Variants in PIWIL2 observed in about 807,000 individuals in gnomAD.
PIWIL2 encodes piwi-like protein 2.
A neutral mutation model predicts 116.5 loss-of-function variants in PIWIL2; 81 were observed. The ratio of observed to expected loss-of-function variants is 0.70; its 90% CI spans 0.58 to 0.84. The LOEUF is 0.84. PIWIL2 is among the 40% of genes least tolerant of loss of function. PIWIL2 has a pLI of 0.00. For synonymous variants in PIWIL2, 489 were observed against 429.5 expected, an observed-to-expected ratio of 1.14 and a Z score of -1.71; for missense variants, 1,272 against 1,212.3, an observed-to-expected ratio of 1.05 and a Z score of -0.73.
At chr8:22,316,621 A>G (rs1831466049) in intron 19 of PIWIL2, among the ~76,000 whole-genome samples, 1 of 151,914 alleles carries the variant, frequency 6.6e-6, no homozygotes, top group Non-Finnish European at 1.5e-5. Flanking sequence ...AGCTGGGATT[A>G]CAGGTGCGCA....
At position 22,304,151 on chromosome 8, in the gene PIWIL2, C is replaced by T. The variant is rs776796331; in HGVS notation, c.1312C>T (p.Pro438Ser). 1 of 1,613,492 alleles carries T rather than the reference C, an allele frequency of 6.2e-7. No homozygotes were observed. Among genetic ancestry groups the T allele is most frequent in the Non-Finnish European group, 8.5e-7 (1 of 1,179,550 alleles). ...TGATGATGTGGATTGGAATAAGACT[C>T]CAAAGGATAGCTTCACGATGTCTGA... ...RIDDVDWNKT[P>S]KDSFTMSDGK... Residue 438 changes from proline to serine, a missense_variant, in exon 11 of 23, where the codon CCA (proline) becomes TCA (serine). Pro to Ser is a moderately conservative substitution (Grantham distance 74). Transcript: ENST00000356766.
At position 22,281,532 on chromosome 8, in the gene PIWIL2, T is replaced by C. The variant is rs200877288; in HGVS notation, c.425+17T>C. 1.8e-5 allele frequency: 28 copies of C among 1,543,276 alleles called. No homozygotes were observed. The African/African-American group carries it at 3.7e-4, about 20-fold the overall frequency. On this transcript the variant is annotated intron_variant, in intron 4 of 22. Coordinates refer to ENST00000356766, the MANE Select transcript of PIWIL2 (RefSeq NM_018068.5). ...TTGGAGTAGGTGGGTAAAGTTACCC[T>C]CTCAGGTAACTATCAAATTCAGATG... is the stretch of plus-strand genomic sequence containing the variant.
At chr8:22,322,261 C>CTT (rs371516173) in intron 20 of PIWIL2, among the ~76,000 whole-genome samples, 1 of 150,514 alleles carries the variant, frequency 6.6e-6, no homozygotes, top group Non-Finnish European at 1.5e-5. Context: ...TCCCCCCCAC[C>CTT]TTTTTTTTTG....
intron 20 of PIWIL2, among the ~76,000 whole-genome samples, chr8:22,352,305 A>G (rs961711190): frequency 3.3e-5 from 5 of 152,256 alleles, no homozygotes; most frequent in African/African-American, 1.2e-4. Context: ...AAATGGGGGA[A>G]AAATTATTCT....
At chr8:22,277,522 T>A (rs947109356) in intron 1 of PIWIL2, among the ~76,000 whole-genome samples, 43 of 152,160 alleles carry the variant, frequency 2.8e-4, no homozygotes, top group African/African-American at 8.9e-4. Flanking sequence ...AGAGAGTTTT[T>A]AAAATTTTTT....
chr8:22,302,052 C>T (rs570662023), intron 10 of PIWIL2, among the ~76,000 whole-genome samples: 11 of 152,194 alleles, frequency 7.2e-5, no homozygotes, highest in African/African-American at 2.4e-4. Flanking sequence ...AAGATATTTT[C>T]TCATTTCTCT....
intron 20 of PIWIL2, among the ~76,000 whole-genome samples, chr8:22,349,162 G>A (rs551357167): frequency 1.3e-5 from 2 of 149,422 alleles, no homozygotes; most frequent in East Asian, 4.0e-4. Flanking sequence ...CACGCCACCA[G>A]GCCTGGCTTA....
At chr8:22,290,929 T>G (rs1177256808) in intron 10 of PIWIL2, among the ~76,000 whole-genome samples, 2 of 151,776 alleles carry the variant, frequency 1.3e-5, no homozygotes, top group Non-Finnish European at 2.9e-5. Context: ...CATATAATAA[T>G]ATACAATGTA....
At chr8:22,323,443 G>T (rs1586579452) in intron 20 of PIWIL2, among the ~76,000 whole-genome samples, 1 of 152,244 alleles carries the variant, frequency 6.6e-6, no homozygotes, top group African/African-American at 2.4e-5. Context: ...ACCGCGCCCA[G>T]CCAGTCTTGA....
chr8:22,288,697 G>C, intron 8 of PIWIL2, 31 bp downstream of exon 8: 2 of 1,580,192 alleles, frequency 1.3e-6, no homozygotes, highest in Non-Finnish European at 1.7e-6. Flanking sequence ...CTATTGTCCT[G>C]TAACTTCAGT....
At chr8:22,334,110 A>T (rs1234437489) in intron 20 of PIWIL2, among the ~76,000 whole-genome samples, 1 of 151,560 alleles carries the variant, frequency 6.6e-6, no homozygotes, top group Non-Finnish European at 1.5e-5. Context: ...AGTAGCTTGG[A>T]TTACAGGCAC....
At chr8:22,347,675 T>G (rs1832260839) in intron 20 of PIWIL2, among the ~76,000 whole-genome samples, 1 of 151,838 alleles carries the variant, frequency 6.6e-6, no homozygotes, top group Admixed American at 6.6e-5. Flanking sequence ...TACAGGCGCC[T>G]GCCAGCATGC....
chr8:22,298,587 G>A (rs1830969641), intron 10 of PIWIL2, among the ~76,000 whole-genome samples: 1 of 152,144 alleles, frequency 6.6e-6, no homozygotes, highest in Non-Finnish European at 1.5e-5. Flanking sequence ...CCCAGTGAGT[G>A]GATTGTTGGT....
intron 10 of PIWIL2, among the ~76,000 whole-genome samples, chr8:22,302,788 G>C (rs1457307864): frequency 6.6e-6 from 1 of 152,160 alleles, no homozygotes; most frequent in Non-Finnish European, 1.5e-5. Context: ...TTAACTCTCA[G>C]CTGAGATTTC....
At chr8:22,320,259 CTTTTTTT>C (rs71544874) in intron 20 of PIWIL2, among the ~76,000 whole-genome samples, 2 of 89,612 alleles carry the variant, frequency 2.2e-5, no homozygotes, top group African/African-American at 7.5e-5. Flanking sequence ...CTGCGCCCGG[CTTTTTTT>C]TTTTTTTTTT....
chr8:22,279,922 A>G (rs1025584126), intron 2 of PIWIL2, among the ~76,000 whole-genome samples: 2 of 152,160 alleles, frequency 1.3e-5, no homozygotes, highest in African/African-American at 4.8e-5. Context: ...TCGCCAGTGC[A>G]CTCCAGCCTG....
At chr8:22,339,860 G>T (rs1451165148) in intron 20 of PIWIL2, among the ~76,000 whole-genome samples, 1 of 151,998 alleles carries the variant, frequency 6.6e-6, no homozygotes, top group Non-Finnish European at 1.5e-5. Context: ...GTAAACACAT[G>T]AAAAGAAGCT....
intron 10 of PIWIL2, 54 bp downstream of exon 10, chr8:22,290,400 C>A (rs763305844): frequency 1.0e-6 from 1 of 981,928 alleles, no homozygotes; most frequent in Non-Finnish European, 1.6e-6. Context: ...CTGAAAAGTT[C>A]AGTAACAGCT....
chr8:22,288,072 G>T (rs146813287), intron 7 of PIWIL2, among the ~76,000 whole-genome samples: 1 of 152,150 alleles, frequency 6.6e-6, no homozygotes, highest in East Asian at 1.9e-4. Context: ...GCTAAGTCAG[G>T]TGGATCACGA....
Sources: gnomAD v4.1 joint callset for allele counts (sites outside exome capture counted in the v4.1 genomes callset) on GRCh38, gnomAD v4.1.1 for gene constraint, MANE v1.5 for transcripts, NCBI Gene and HGNC (gene_info 2026-07-23, HGNC 2026-07-21) for gene names.